Variants in SLC35F3 observed in about 807,000 individuals in gnomAD.
SLC35F3 encodes the protein putative thiamine transporter SLC35F3.
SLC35F3 carries 25 observed loss-of-function variants against 49.9 expected under a neutral mutation model. That is an observed-to-expected ratio of 0.50 (90% confidence interval 0.37 to 0.70). The LOEUF is 0.70. SLC35F3 is among the 30% of genes least tolerant of loss of function. The pLI is 0.00. For missense variants in SLC35F3, 525 were observed against 639.8 expected (o/e 0.82, Z 1.94); for synonymous variants, 275 against 265.4 (o/e 1.04, Z -0.35).
intron 5 of SLC35F3, among the ~76,000 whole-genome samples, chr1:234,317,944 C>G (rs895886855): frequency 2.0e-5 from 3 of 152,198 alleles, no homozygotes; most frequent in Non-Finnish European, 2.9e-5. Flanking sequence ...ATGGGGACTC[C>G]TAGGTGAGAG....
At chr1:234,300,859 G>A (rs575963525) in intron 3 of SLC35F3, among the ~76,000 whole-genome samples, 1 of 152,358 alleles carries the variant, frequency 6.6e-6, no homozygotes, top group East Asian at 1.9e-4. Context: ...GTCTCCAGCA[G>A]CAGTAGTTGA....
At chr1:234,198,719 G>A (rs1431150571) in intron 2 of SLC35F3, among the ~76,000 whole-genome samples, 1 of 152,130 alleles carries the variant, frequency 6.6e-6, no homozygotes, top group Non-Finnish European at 1.5e-5. Context: ...ATTAAGTCAA[G>A]ATCGTTAACA....
chr1:233,936,695 T>C (rs1571986913), intron 2 of SLC35F3, among the ~76,000 whole-genome samples: 2 of 151,860 alleles, frequency 1.3e-5, no homozygotes, highest in Non-Finnish European at 2.9e-5. Context: ...TCCTTCTCCT[T>C]CTTCTTTTTT....
chr1:233,984,696 T>G (rs976964619), intron 2 of SLC35F3, among the ~76,000 whole-genome samples: 4 of 152,256 alleles, frequency 2.6e-5, no homozygotes, highest in South Asian at 2.1e-4. Flanking sequence ...TCCAGGACCC[T>G]CAGGAAGAAA....
chr1:234,279,748 G>T (rs761271877), intron 3 of SLC35F3, among the ~76,000 whole-genome samples: 1 of 152,206 alleles, frequency 6.6e-6, no homozygotes, highest in Admixed American at 6.5e-5. Context: ...TAGAAAAAAT[G>T]ATTATGGCCA....
chr1:234,284,944 A>C (rs549794515), intron 3 of SLC35F3: 1 of 163,726 alleles, frequency 6.1e-6, no homozygotes, highest in East Asian at 1.9e-4. Context: ...AATTAACAAA[A>C]GTGGCTTTTG....
chr1:234,144,753 C>T (rs1227159513), intron 2 of SLC35F3, among the ~76,000 whole-genome samples: 6 of 152,062 alleles, frequency 3.9e-5, no homozygotes, highest in Admixed American at 3.9e-4. Flanking sequence ...TTCTCATGGA[C>T]TTAGAGTCTA....
chr1:234,019,844 T>C (rs2102842262), intron 2 of SLC35F3, among the ~76,000 whole-genome samples: 2 of 152,300 alleles, frequency 1.3e-5, no homozygotes, highest in Non-Finnish European at 2.9e-5. Context: ...ATTTCCACTG[T>C]ATTTAGCGTG....
chr1:234,188,160 C>A (rs1666674881), intron 2 of SLC35F3, among the ~76,000 whole-genome samples: 1 of 151,976 alleles, frequency 6.6e-6, no homozygotes, highest in Non-Finnish European at 1.5e-5. Context: ...TCGCTTGAAC[C>A]CGGGAGGCGG....
At chr1:234,189,382 C>A (rs2102928061) in intron 2 of SLC35F3, among the ~76,000 whole-genome samples, 1 of 150,726 alleles carries the variant, frequency 6.6e-6, no homozygotes, top group Non-Finnish European at 1.5e-5. Flanking sequence ...ATAGTCACAA[C>A]TTCAGGAAAT....
intron 3 of SLC35F3, among the ~76,000 whole-genome samples, chr1:234,235,885 T>C (rs1453633917): frequency 1.3e-5 from 2 of 152,100 alleles, no homozygotes; most frequent in African/African-American, 4.8e-5. Context: ...CCATATCGGG[T>C]CTTGCAGCTG....
rs1661744605 is a variant in SLC35F3 at position 233,904,941 on chromosome 1, C to T, written c.-137C>T. 4 of 972,972 alleles carry T rather than the reference C, an allele frequency of 4.1e-6. No individual in the cohort carries two copies. The highest frequency in any genetic ancestry group is 6.5e-5 in the Admixed American group (2 of 30,906). The allele number at this position is 972,972 out of a possible 1,614,324, so 60.3% of individuals were successfully genotyped here. A position where few individuals can be genotyped will look rare whatever the true frequency, so the allele number is the denominator to read the frequency against. On this transcript the variant is annotated 5_prime_UTR_variant, in exon 1 of 8. Transcript: ENST00000366618. ...ACCGCGCGGGCGCGCACAAAGCGGC[C>T]CGGGGCGGCCGGCGCGGCGCAGACC...
intron 2 of SLC35F3, among the ~76,000 whole-genome samples, chr1:234,005,855 G>A (rs1181548338): frequency 6.6e-6 from 1 of 152,156 alleles, no homozygotes; most frequent in Non-Finnish European, 1.5e-5. Flanking sequence ...ATTAGAGGCA[G>A]GACTCTGGCC....
At chr1:234,165,724 A>G (rs940545023) in intron 2 of SLC35F3, among the ~76,000 whole-genome samples, 3 of 152,036 alleles carry the variant, frequency 2.0e-5, no homozygotes, top group Non-Finnish European at 4.4e-5. Context: ...TTTTATTTCA[A>G]TAGCTTTAGG....
intron 2 of SLC35F3, among the ~76,000 whole-genome samples, chr1:233,923,127 GT>G (rs1383361044): frequency 6.6e-6 from 1 of 152,188 alleles, no homozygotes; most frequent in Non-Finnish European, 1.5e-5. Context: ...TCTTGACAAT[GT>G]GGGCTCTTTT....
chr1:234,302,866 ATTAAC>A (rs1296944851), intron 3 of SLC35F3, among the ~76,000 whole-genome samples: 1 of 152,134 alleles, frequency 6.6e-6, no homozygotes, highest in Non-Finnish European at 1.5e-5. Context: ...TGTGTTTTTA[ATTAAC>A]TTAATTTTAG....
In SLC35F3 at chr1:233,957,513, G is replaced by A. The variant is rs1178106939; in HGVS notation, c.283+51755G>A. Among the ~76,000 whole-genome samples, 1 of 152,106 alleles carries A rather than the reference G, an allele frequency of 6.6e-6. No individual in the cohort carries two copies. Among genetic ancestry groups the A allele is most frequent in the Non-Finnish European group, 1.5e-5 (1 of 68,020 alleles). On this transcript the variant is annotated intron_variant, in intron 2 of 7. Coordinates refer to ENST00000366618, the MANE Select transcript of SLC35F3 (RefSeq NM_173508.4). This position sits in a 1 kb window ranked among gnomAD's most constrained non-coding sequence, Gnocchi z 4.0. ...AGCTCCATAATTACATCAAAATTTAGTGGCATAAATACAATAACTGGCTGT... is the reference window on the plus strand; with the variant it reads ...AGCTCCATAATTACATCAAAATTTAATGGCATAAATACAATAACTGGCTGT...
chr1:234,034,894 GT>G (rs1466743652), intron 2 of SLC35F3, among the ~76,000 whole-genome samples: 7 of 152,092 alleles, frequency 4.6e-5, no homozygotes, highest in African/African-American at 1.4e-4. Flanking sequence ...TAATTATTGT[GT>G]TTTTTGTTTG....
At chr1:234,318,230 G>A (rs1657535636) in intron 5 of SLC35F3, among the ~76,000 whole-genome samples, 1 of 152,166 alleles carries the variant, frequency 6.6e-6, no homozygotes, top group Admixed American at 6.5e-5. Context: ...AAAAGAACAG[G>A]TGCAAGAAAA....
Sources: allele counts gnomAD v4.1 joint callset (sites outside exome capture counted in the v4.1 genomes callset), GRCh38; gene constraint gnomAD v4.1.1; non-coding constraint Gnocchi (gnomAD v3.1); transcripts MANE v1.5; gene names NCBI Gene and HGNC (gene_info 2026-07-23, HGNC 2026-07-21).